The following NWD2 variants were observed in gnomAD, a reference collection of about 807,000 sequenced individuals.
NWD2 encodes NACHT and WD repeat domain-containing protein 2.
In NWD2, 37 loss-of-function variants were observed where a neutral mutation model predicts 132.7. That is an observed-to-expected ratio of 0.28 (90% CI 0.21 to 0.37). The LOEUF (loss-of-function observed/expected upper bound fraction) is 0.37. NWD2 is among the 10% of genes least tolerant of loss of function. The probability of loss-of-function intolerance (pLI) is 1.00; values close to 1 mark genes in which losing one functional copy is unlikely to be tolerated. For synonymous variants in NWD2, 705 were observed against 803.0 expected (o/e 0.88, Z 2.06); for missense variants, 1,592 against 2,122.4 (o/e 0.75, Z 4.91).
At chr4:37,296,169 C>T (rs781569111) in intron 1 of NWD2, among the ~76,000 whole-genome samples, 9 of 152,302 alleles carry the variant, frequency 5.9e-5, no homozygotes, top group Non-Finnish European at 1.0e-4. Flanking sequence ...CACCATTTCA[C>T]GTGGCCCCCA....
intron 3 of NWD2, among the ~76,000 whole-genome samples, chr4:37,387,281 T>G (rs1720582769): frequency 2.0e-5 from 3 of 152,052 alleles, no homozygotes; most frequent in Admixed American, 1.3e-4. Flanking sequence ...TATTGCCATT[T>G]CTACACCAAT....
chr4:37,430,436 G>C (rs1712136216), intron 3 of NWD2, 136 bp from the exon 4 acceptor site: 15 of 664,780 alleles, frequency 2.3e-5, no homozygotes, highest in Middle Eastern at 8.4e-4. Context: ...TATCCACTGT[G>C]ACCAAAAGAG....
At chr4:37,343,334 A>G (rs889455670) in intron 2 of NWD2, among the ~76,000 whole-genome samples, 9 of 152,220 alleles carry the variant, frequency 5.9e-5, no homozygotes, top group East Asian at 5.8e-4. Flanking sequence ...AGCTTTCTGA[A>G]TCAGCTCTGT....
intron 3 of NWD2, among the ~76,000 whole-genome samples, chr4:37,376,885 T>C (rs990996434): frequency 2.0e-5 from 3 of 152,190 alleles, no homozygotes; most frequent in Non-Finnish European, 4.4e-5. Flanking sequence ...TTTATCTTTG[T>C]CCTTTGTCCC....
chr4:37,333,994 A>G (rs1319064457), intron 2 of NWD2, among the ~76,000 whole-genome samples: 2 of 152,078 alleles, frequency 1.3e-5, no homozygotes, highest in Non-Finnish European at 2.9e-5. Context: ...AGTGAACTTG[A>G]AGACAGGCTA....
intron 6 of NWD2, among the ~76,000 whole-genome samples, chr4:37,440,103 G>T (rs78531052): frequency 6.6e-6 from 1 of 151,976 alleles, no homozygotes; most frequent in African/African-American, 2.4e-5. Context: ...TTCCCCTCCC[G>T]TACCTCTGCC....
intron 3 of NWD2, among the ~76,000 whole-genome samples, chr4:37,393,184 A>G (rs919889997): frequency 2.8e-5 from 1 of 35,902 alleles, no homozygotes; most frequent in Non-Finnish European, 5.5e-5. Flanking sequence ...CTAGGAGGAA[A>G]CATCCGGGGG....
At chr4:37,256,162 C>A (rs922433231) in intron 1 of NWD2, among the ~76,000 whole-genome samples, 28 of 152,064 alleles carry the variant, frequency 1.8e-4, no homozygotes, top group African/African-American at 6.3e-4. Flanking sequence ...GTAATGTCTG[C>A]TGTGGAATGA....
At chr4:37,423,903 A>G (rs999781602) in intron 3 of NWD2, among the ~76,000 whole-genome samples, 1 of 152,206 alleles carries the variant, frequency 6.6e-6, no homozygotes, top group Non-Finnish European at 1.5e-5. Context: ...AAAGTATCTT[A>G]TGTTTGTATT....
intron 3 of NWD2, among the ~76,000 whole-genome samples, chr4:37,400,718 A>G (rs541851188): frequency 6.6e-6 from 1 of 152,310 alleles, no homozygotes; most frequent in Admixed American, 6.5e-5. Context: ...TGTGGGTTTC[A>G]TGTCAATCAA....
intron 6 of NWD2, among the ~76,000 whole-genome samples, chr4:37,440,500 C>T (rs565187568): frequency 6.6e-6 from 1 of 152,196 alleles, no homozygotes; most frequent in South Asian, 2.1e-4. Flanking sequence ...GCCTGTATCC[C>T]CAAGCTGTAG....
At chr4:37,252,325 G>T (rs1320677670) in intron 1 of NWD2, among the ~76,000 whole-genome samples, 2 of 152,104 alleles carry the variant, frequency 1.3e-5, no homozygotes, top group African/African-American at 4.8e-5. Flanking sequence ...GACTATAAAG[G>T]TAAACTATAT....
intron 1 of NWD2, among the ~76,000 whole-genome samples, chr4:37,275,894 A>G (rs1306638289): frequency 1.3e-5 from 2 of 152,210 alleles, no homozygotes; most frequent in East Asian, 1.9e-4. Flanking sequence ...CTGGCTAGCC[A>G]TATGGAGAAA....
chr4:37,253,357 C>T (rs1288964487), intron 1 of NWD2, among the ~76,000 whole-genome samples: 1 of 152,186 alleles, frequency 6.6e-6, no homozygotes, highest in Non-Finnish European at 1.5e-5. Flanking sequence ...TCTAGCCACT[C>T]ACTGGAGGTG....
Position 37,327,429 on chromosome 4 carries a change from C to T in NWD2, c.240+1405C>T, listed in dbSNP as rs1719196856. ...CATAGAATAAATTGACAGGATTATT[C>T]TAGGCAGGTGCACTGAATCAGCTGA... is the stretch of plus-strand genomic sequence containing the variant. On this transcript the variant is annotated intron_variant, in intron 2 of 6. Transcript: ENST00000309447. Among the ~76,000 whole-genome samples the T allele has an allele frequency of 2.0e-5, 3 of 152,138 alleles. No homozygotes were observed. The South Asian group carries it at 6.2e-4, about 31-fold the overall frequency.
intron 3 of NWD2, among the ~76,000 whole-genome samples, chr4:37,422,122 T>C (rs1456200125): frequency 9.2e-5 from 14 of 152,212 alleles, no homozygotes; most frequent in Admixed American, 9.2e-4. Context: ...ATAGGAATTT[T>C]GAGGAGACAC....
intron 3 of NWD2, among the ~76,000 whole-genome samples, chr4:37,394,195 C>T (rs1425198638): frequency 6.6e-6 from 1 of 152,208 alleles, no homozygotes; most frequent in African/African-American, 2.4e-5. Flanking sequence ...ATAATCTCAC[C>T]TCATTGTTAT....
intron 1 of NWD2, among the ~76,000 whole-genome samples, chr4:37,303,755 C>G (rs945767929): frequency 1.3e-5 from 2 of 152,140 alleles, no homozygotes; most frequent in Non-Finnish European, 2.9e-5. Flanking sequence ...TATAGAAACA[C>G]TACTGATTTT....
intron 1 of NWD2, among the ~76,000 whole-genome samples, chr4:37,323,829 A>C (rs1388129154): frequency 6.7e-6 from 1 of 150,204 alleles, no homozygotes; most frequent in Admixed American, 6.7e-5. Context: ...AAAATGTGGC[A>C]CATATACACC....
Sources: allele counts gnomAD v4.1 joint callset (sites outside exome capture counted in the v4.1 genomes callset), GRCh38; gene constraint gnomAD v4.1.1; transcripts MANE v1.5; gene names NCBI Gene and HGNC (gene_info 2026-07-23, HGNC 2026-07-21).